The following EPHA3 variants were observed in gnomAD, a reference collection of about 807,000 sequenced individuals.
The protein encoded by EPHA3 is EPH receptor A3, also known as ephrin type-A receptor 3.
In EPHA3, 42 loss-of-function variants were observed where a neutral mutation model predicts 107.1. The ratio of observed to expected loss-of-function variants is 0.39; its 90% CI spans 0.31 to 0.51. The LOEUF is 0.51. Ranked by LOEUF, EPHA3 falls within the 20% of genes least tolerant of loss-of-function variation. EPHA3 has a pLI of 0.78. For missense variants in EPHA3, 1,183 were observed against 1,211.2 expected, an observed-to-expected ratio of 0.98 and a Z score of 0.35; for synonymous variants, 461 against 424.8, an observed-to-expected ratio of 1.09 and a Z score of -1.05.
At chr3:89,374,313 C>G (rs1348445019) in intron 5 of EPHA3, among the ~76,000 whole-genome samples, 1 of 151,828 alleles carries the variant, frequency 6.6e-6, no homozygotes, top group African/African-American at 2.4e-5. Flanking sequence ...GTCATGAGTG[C>G]CTACAGAAAG....
At chr3:89,160,769 T>C (rs1206132701) in intron 2 of EPHA3, among the ~76,000 whole-genome samples, 2 of 152,084 alleles carry the variant, frequency 1.3e-5, no homozygotes, top group Non-Finnish European at 2.9e-5. Flanking sequence ...AGGAAATCCA[T>C]CAGCAAAATT....
chr3:89,156,309 A>G (rs190986654), intron 2 of EPHA3, among the ~76,000 whole-genome samples: 2 of 152,224 alleles, frequency 1.3e-5, no homozygotes, highest in African/African-American at 4.8e-5. Context: ...TTTGGATGTT[A>G]GAAATCCAGG....
At chr3:89,470,241 G>T (rs971626146) in intron 15 of EPHA3, among the ~76,000 whole-genome samples, 2 of 151,970 alleles carry the variant, frequency 1.3e-5, no homozygotes, top group African/African-American at 4.8e-5. Flanking sequence ...TTTCAGGGTT[G>T]TTATACTATT....
At chr3:89,396,503 A>AT (rs1419275836) in intron 6 of EPHA3, among the ~76,000 whole-genome samples, 2 of 152,186 alleles carry the variant, frequency 1.3e-5, no homozygotes, top group Admixed American at 1.3e-4. Context: ...TGGCTTGGTA[A>AT]TGCAATTATT....
rs556620788 is a variant in EPHA3 at position 89,256,506 on chromosome 3, T to C, written c.814+45986T>C. Among the ~76,000 whole-genome samples the C allele has an allele frequency of 4.1e-4, 63 of 151,858 alleles. No homozygotes were observed. The South Asian group carries it at 0.012, about 29-fold the overall frequency. On this transcript the variant is annotated intron_variant, in intron 3 of 16. Coordinates refer to ENST00000336596, the MANE Select transcript of EPHA3 (RefSeq NM_005233.6). ...GAATCGCTTGGACTCAGAGGTTGCA[T>C]TGAGCCGAGATCGTGCCATTGCACT...
intron 13 of EPHA3, among the ~76,000 whole-genome samples, chr3:89,432,223 T>G (rs1709582857): frequency 6.6e-6 from 1 of 152,174 alleles, no homozygotes; most frequent in African/African-American, 2.4e-5. Flanking sequence ...GTGAATATTT[T>G]AAAAGCACAC....
At chr3:89,187,033 G>C (rs1705583224) in intron 2 of EPHA3, among the ~76,000 whole-genome samples, 1 of 151,690 alleles carries the variant, frequency 6.6e-6, no homozygotes, top group Non-Finnish European at 1.5e-5. Context: ...AATTATAAAA[G>C]TGTATTGAAC....
rs1441860055 is a variant in EPHA3, at chr3:89,359,812, C to CATATATATACAT, written c.1306+17744_1306+17755dup. On this transcript the variant is annotated intron_variant, in intron 5 of 16. Transcript: ENST00000336596. ...ATATACATATATACACATATATATA[C>CATATATATACAT]ATATATATACATATATATATACATA... Among the ~76,000 whole-genome samples the CATATATATACAT allele has an allele frequency of 2.8e-5, 4 of 141,422 alleles. No individual in the cohort carries two copies. In the Admixed American group the frequency reaches 3.0e-4, roughly 11 times the overall value. The allele number at this position is 141,422 out of a possible 152,430, so 92.8% of individuals were successfully genotyped here. A position where few individuals can be genotyped will look rare whatever the true frequency, so the allele number is the denominator to read the frequency against.
At chr3:89,197,601 G>C (rs1705868690) in intron 2 of EPHA3, among the ~76,000 whole-genome samples, 2 of 152,126 alleles carry the variant, frequency 1.3e-5, no homozygotes, top group African/African-American at 4.8e-5. Flanking sequence ...ACATGGTAAA[G>C]TGTGGAATAC....
At chr3:89,357,265 C>T (rs545610382) in intron 5 of EPHA3, among the ~76,000 whole-genome samples, 16 of 150,344 alleles carry the variant, frequency 1.1e-4, no homozygotes, top group East Asian at 2.0e-4. Context: ...TTTACCAAGG[C>T]CCAGGTTGTG....
At chr3:89,266,118 T>C (rs1485115850) in intron 3 of EPHA3, among the ~76,000 whole-genome samples, 1 of 152,106 alleles carries the variant, frequency 6.6e-6, no homozygotes, top group African/African-American at 2.4e-5. Flanking sequence ...ACCAAGACAC[T>C]CTAAACTCAT....
At chr3:89,455,303 G>C (rs1263945919) in intron 15 of EPHA3, among the ~76,000 whole-genome samples, 1 of 152,148 alleles carries the variant, frequency 6.6e-6, no homozygotes, top group Non-Finnish European at 1.5e-5. Context: ...TGAGCCAGCT[G>C]TGTAACCTCC....
intron 11 of EPHA3, among the ~76,000 whole-genome samples, chr3:89,423,247 G>C (rs979695828): frequency 6.6e-6 from 1 of 151,390 alleles, no homozygotes; most frequent in Non-Finnish European, 1.5e-5. Flanking sequence ...TGGGCAGAAC[G>C]TTAAGATGAT....
intron 3 of EPHA3, among the ~76,000 whole-genome samples, chr3:89,274,325 A>G (rs1311493600): frequency 1.3e-5 from 2 of 151,952 alleles, no homozygotes; most frequent in Non-Finnish European, 2.9e-5. Context: ...CTGTTATGTC[A>G]GTACTCTAGT....
chr3:89,163,084 C>T (rs1480812628), intron 2 of EPHA3, among the ~76,000 whole-genome samples: 3 of 152,066 alleles, frequency 2.0e-5, no homozygotes, highest in Non-Finnish European at 4.4e-5. Context: ...ATAAATGAGC[C>T]AAATTACAGG....
At chr3:89,132,371 A>G (rs1388231237) in intron 2 of EPHA3, among the ~76,000 whole-genome samples, 2 of 152,208 alleles carry the variant, frequency 1.3e-5, no homozygotes, top group Non-Finnish European at 2.9e-5. Flanking sequence ...TCTTTGCTCA[A>G]ATATTCTAAT....
At chr3:89,199,256 T>A (rs989926307) in intron 2 of EPHA3, among the ~76,000 whole-genome samples, 1 of 152,198 alleles carries the variant, frequency 6.6e-6, no homozygotes, top group African/African-American at 2.4e-5. Flanking sequence ...CTGAGGTAAT[T>A]TTCAGATAAT....
chr3:89,311,048 AG>A, intron 3 of EPHA3, among the ~76,000 whole-genome samples: 1 of 152,138 alleles, frequency 6.6e-6, no homozygotes, highest in Admixed American at 6.6e-5. Context: ...ACTGCTATAA[AG>A]GTCTGTAATG....
intron 3 of EPHA3, among the ~76,000 whole-genome samples, chr3:89,239,634 T>G (rs1704848859): frequency 6.6e-6 from 1 of 152,168 alleles, no homozygotes; most frequent in Non-Finnish European, 1.5e-5. Context: ...TAACTCAGGA[T>G]TACAGATATA....
Sources: allele counts gnomAD v4.1 joint callset (sites outside exome capture counted in the v4.1 genomes callset), GRCh38; gene constraint gnomAD v4.1.1; transcripts MANE v1.5; gene names NCBI Gene and HGNC (gene_info 2026-07-23, HGNC 2026-07-21).